Variants in SUGP1 observed in about 807,000 individuals in gnomAD.
The protein encoded by SUGP1 is SURP and G-patch domain-containing protein 1.
SUGP1 carries 34 observed loss-of-function variants against 76.5 expected under a neutral mutation model. The ratio of observed to expected loss-of-function variants is 0.44; its 90% CI spans 0.34 to 0.59. The LOEUF (loss-of-function observed/expected upper bound fraction) is 0.59, where lower values mean the gene tolerates loss of function less well. Ranked by LOEUF, SUGP1 falls within the 20% of genes least tolerant of loss-of-function variation. SUGP1 has a pLI of 0.01. For synonymous variants in SUGP1, 326 were observed against 326.2 expected (o/e 1.00, Z 0.01); for missense variants, 752 against 851.7 (o/e 0.88, Z 1.46).
chr19:19,302,579 ACCCCCGC>A, intron 6 of SUGP1, 191 bp from the exon 7 acceptor site: 1 of 733,084 alleles, frequency 1.4e-6, no homozygotes, highest in Non-Finnish European at 2.1e-6. Flanking sequence ...CCCACCCCCG[ACCCCCGC>A]CCCGTCCCAC....
At chr19:19,277,659 G>T in intron 12 of SUGP1, 75 bp downstream of exon 12, 1 of 1,556,218 alleles carries the variant, frequency 6.4e-7, no homozygotes, top group Non-Finnish European at 8.8e-7. Flanking sequence ...ACATAAAGGG[G>T]TGGGAATGGG....
chr19:19,306,405 C>T lies in SUGP1; in HGVS notation c.311-329G>A, dbSNP rs1055201880. On this transcript the variant is annotated intron_variant, in intron 3 of 13. Transcript: ENST00000247001. ...TTCTGCCGGGTAAGACCCGAGTCCCCGAATCCCAGTTTACAACCATTCCCT... is the reference window on the plus strand; with the variant it reads ...TTCTGCCGGGTAAGACCCGAGTCCCTGAATCCCAGTTTACAACCATTCCCT... Among the ~76,000 whole-genome samples the T allele has an allele frequency of 8.5e-5, 13 of 152,180 alleles. No individual in the cohort carries two copies. In the East Asian group the frequency reaches 1.2e-3, roughly 14 times the overall value.
At chr19:19,318,829 A>T (rs765322593) in intron 1 of SUGP1, among the ~76,000 whole-genome samples, 1 of 152,196 alleles carries the variant, frequency 6.6e-6, no homozygotes, top group Non-Finnish European at 1.5e-5. Context: ...ACTGGCTCCA[A>T]GCAACAGACA....
At chr19:19,308,154 C>T (rs375689421) in intron 3 of SUGP1, among the ~76,000 whole-genome samples, 8 of 152,156 alleles carry the variant, frequency 5.3e-5, no homozygotes, top group Non-Finnish European at 5.9e-5. Flanking sequence ...TCTCAGCCCC[C>T]CCATTAGTTG....
chr19:19,301,040 G>A (rs1025007455), intron 7 of SUGP1, among the ~76,000 whole-genome samples: 4 of 152,150 alleles, frequency 2.6e-5, no homozygotes, highest in Non-Finnish European at 2.9e-5. Context: ...AGCAAACTAG[G>A]TTTCTTATTT....
Position 19,305,943 on chromosome 19 carries a change from G to C in SUGP1, c.444C>G (p.His148Gln). Residue 148 changes from histidine to glutamine, a missense_variant, in exon 4 of 14, where the codon CAC (histidine) becomes CAG (glutamine). By Grantham distance (24) the His-to-Gln change is conservative. Transcript: ENST00000247001. ...GGTGCGCCACGGGCAGCTGCTTGGCGTGGGAGTAGCTCTTCACAGGGCCCG... is the reference window on the plus strand; with the variant it reads ...GGTGCGCCACGGGCAGCTGCTTGGCCTGGGAGTAGCTCTTCACAGGGCCCG... ...SLPGPVKSYSHAKQLPVAHRP... is the reference protein window; with the variant it reads ...SLPGPVKSYSQAKQLPVAHRP... 2 of 1,613,258 alleles carry C rather than the reference G, an allele frequency of 1.2e-6. No homozygotes were observed. The highest frequency in any genetic ancestry group is 1.7e-6 in the Non-Finnish European group (2 of 1,179,952).
At chr19:19,305,801 T>G in intron 4 of SUGP1, 48 bp downstream of exon 4, 1 of 1,535,374 alleles carries the variant, frequency 6.5e-7, no homozygotes, top group East Asian at 2.3e-5. Flanking sequence ...TCCCACCTGC[T>G]AGAGCACGGG....
intron 2 of SUGP1, among the ~76,000 whole-genome samples, chr19:19,310,887 C>T (rs990205372): frequency 3.9e-5 from 6 of 152,072 alleles, no homozygotes; most frequent in African/African-American, 1.4e-4. Context: ...AAGCCATCCT[C>T]CCACCTCATC....
intron 8 of SUGP1, among the ~76,000 whole-genome samples, chr19:19,291,750 C>T (rs189078141): frequency 1.3e-5 from 2 of 151,992 alleles, no homozygotes; most frequent in African/African-American, 4.8e-5. Context: ...AAAAATTAGC[C>T]AGGCTTGGTG....
intron 7 of SUGP1, among the ~76,000 whole-genome samples, chr19:19,298,219 C>T (rs187582186): frequency 6.8e-6 from 1 of 147,772 alleles, no homozygotes; most frequent in African/African-American, 2.5e-5. Flanking sequence ...TTACAGAGGC[C>T]GGGCGCGGTG....
rs757069779 is a variant in SUGP1 at position 19,303,467 on chromosome 19, G to A, written c.663-19C>T. 2 of 1,598,784 alleles carry A rather than the reference G, an allele frequency of 1.3e-6. No individual in the cohort carries two copies. Among genetic ancestry groups the A allele is most frequent in the Non-Finnish European group, 1.7e-6 (2 of 1,166,106 alleles). The stretch of plus-strand genomic sequence containing the variant: ...CAAAAATCTGGAGAGGAGGAAGTTT[G>A]CAGAAGAGAGGGGAAAATAAGTATC... On this transcript the variant is annotated intron_variant, in intron 5 of 13. Coordinates refer to ENST00000247001, the MANE Select transcript of SUGP1 (RefSeq NM_172231.4).
At position 19,305,897 on chromosome 19, in the gene SUGP1, G is replaced by T. The variant is rs756091098; in HGVS notation, c.490C>A (p.Pro164Thr). ...TAGTCCTCCTCCTCGTCCTCGTCAG[G>T]GGACTGGAAGACACTCGGGCGGTGC... ...VAHRPSVFQS[P>T]DEDEEEDYEQ... Residue 164 changes from proline (P) to threonine (T), a missense_variant, in exon 4 of 14, where the codon CCT becomes ACT. This residue lies in a region of SUGP1 where 620 missense variants were observed against 617.3 expected (regional missense o/e 1.00). Coordinates refer to ENST00000247001, the MANE Select transcript of SUGP1 (RefSeq NM_172231.4). The T allele has an allele frequency of 2.5e-6, 4 of 1,613,462 alleles. No homozygotes were observed. The highest frequency in any genetic ancestry group is 2.7e-5 in the African/African-American group (2 of 74,930).
chr19:19,308,762 A>G (rs932891390), intron 3 of SUGP1, among the ~76,000 whole-genome samples: 70 of 152,346 alleles, frequency 4.6e-4, no homozygotes, highest in African/African-American at 1.7e-3. Context: ...AGTGTGGGGA[A>G]GGCTTCATCA....
At chr19:19,312,153 G>A (rs755358494) in intron 2 of SUGP1, among the ~76,000 whole-genome samples, 1 of 152,066 alleles carries the variant, frequency 6.6e-6, no homozygotes, top group Non-Finnish European at 1.5e-5. Flanking sequence ...CCGGAGCCCA[G>A]GAGGTCAAGG....
chr19:19,299,375 CTTCCTTTTTTTTT>C (rs1414984577), intron 7 of SUGP1, among the ~76,000 whole-genome samples: 22 of 54,092 alleles, frequency 4.1e-4, no homozygotes, highest in Admixed American at 3.9e-3. Flanking sequence ...TCTTTTTTTT[CTTCCTTTTTTTTT>C]CTGAGACGGA....
At position 19,278,885 on chromosome 19, in the gene SUGP1, C is replaced by T. The variant is rs2061074801; in HGVS notation, c.1529-89G>A. On this transcript the variant is annotated intron_variant, in intron 10 of 13. Coordinates refer to ENST00000247001, the MANE Select transcript of SUGP1 (RefSeq NM_172231.4). ...GCTCCCAGGGCACAGGTATGAGGCTCAGTGGGAGCCTGGGGCCCCCAGGGA... is the reference window on the plus strand; with the variant it reads ...GCTCCCAGGGCACAGGTATGAGGCTTAGTGGGAGCCTGGGGCCCCCAGGGA... The T allele has an allele frequency of 6.5e-6, 9 of 1,394,724 alleles. No individual in the cohort carries two copies. The South Asian group carries it at 1.1e-4, about 17-fold the overall frequency. 86.4% of individuals were successfully genotyped at this position (1,394,724 alleles called of 1,614,324 possible).
intron 7 of SUGP1, among the ~76,000 whole-genome samples, chr19:19,300,139 C>G (rs4808940): frequency 0.42 from 63,523 of 151,746 alleles, 14,820 homozygotes; most frequent in African/African-American, 0.62. Flanking sequence ...GCAATGGCAT[C>G]ATCTCGGCTC....
At chr19:19,308,150 C>T (rs1460588878) in intron 3 of SUGP1, among the ~76,000 whole-genome samples, 1 of 152,186 alleles carries the variant, frequency 6.6e-6, no homozygotes, top group East Asian at 1.9e-4. Context: ...CCCATCTCAG[C>T]CCCCCCATTA....
chr19:19,295,793 C>T (rs1177514736), intron 8 of SUGP1, among the ~76,000 whole-genome samples: 1 of 151,926 alleles, frequency 6.6e-6, no homozygotes, highest in Non-Finnish European at 1.5e-5. Context: ...TTCCTTAAGC[C>T]AGGGTGGTAG....
Sources: gnomAD v4.1 joint callset for allele counts (sites outside exome capture counted in the v4.1 genomes callset) on GRCh38, gnomAD v4.1.1 for gene constraint, gnomAD v4.1.1 regional missense constraint, MANE v1.5 for transcripts, NCBI Gene and HGNC (gene_info 2026-07-23, HGNC 2026-07-21) for gene names.